The following TRIQK variants were observed in gnomAD, a reference collection of about 807,000 sequenced individuals.
TRIQK encodes triple QxxK/R motif containing.
Under a neutral mutation model 10.8 loss-of-function variants are expected in TRIQK, and 10 were observed. The observed-to-expected ratio is 0.92, with a 90% CI of 0.57 to 1.57. The LOEUF (loss-of-function observed/expected upper bound fraction) is 1.57, where lower values mean the gene tolerates loss of function less well. TRIQK is among the 40% of genes most tolerant of loss of function. The pLI is 0.00. For missense variants in TRIQK, 107 were observed against 97.7 expected (o/e 1.09, Z -0.40); for synonymous variants, 33 against 33.7 (o/e 0.98, Z 0.07).
At chr8:93,017,274 G>A (rs372580330) in intron 1 of TRIQK, among the ~76,000 whole-genome samples, 158 of 152,092 alleles carry the variant, frequency 1.0e-3, no homozygotes, top group African/African-American at 3.6e-3. Flanking sequence ...TGACGCTCTC[G>A]TTCAGTCACT....
intron 2 of TRIQK, among the ~76,000 whole-genome samples, chr8:92,918,800 C>T (rs1388429639): frequency 2.7e-5 from 4 of 150,512 alleles, no homozygotes; most frequent in Admixed American, 6.6e-5. Flanking sequence ...TTTTGCCAGA[C>T]CAATGTCCTG....
intron 4 of TRIQK, among the ~76,000 whole-genome samples, chr8:92,889,378 T>C (rs1406303361): frequency 2.0e-5 from 3 of 151,664 alleles, no homozygotes; most frequent in Non-Finnish European, 4.4e-5. Context: ...ACAGGTGCTA[T>C]ACTATTATAA....
intron 1 of TRIQK, among the ~76,000 whole-genome samples, chr8:93,007,629 T>A (rs897712078): frequency 1.3e-5 from 2 of 152,160 alleles, no homozygotes; most frequent in Non-Finnish European, 2.9e-5. Flanking sequence ...CTAAGAACCA[T>A]GATAAAACTT....
intron 1 of TRIQK, among the ~76,000 whole-genome samples, chr8:93,014,499 T>C (rs1457252610): frequency 6.6e-6 from 1 of 152,104 alleles, no homozygotes; most frequent in Non-Finnish European, 1.5e-5. Context: ...AAATAGATGT[T>C]TATGTTTTAC....
intron 1 of TRIQK, among the ~76,000 whole-genome samples, chr8:93,002,214 A>G (rs1336330457): frequency 2.6e-5 from 4 of 152,180 alleles, no homozygotes; most frequent in African/African-American, 9.6e-5. Flanking sequence ...TCAAGGAATT[A>G]GAAAAATAAG....
chr8:92,943,526 T>TA (rs1811373686), intron 2 of TRIQK, among the ~76,000 whole-genome samples: 2 of 152,100 alleles, frequency 1.3e-5, no homozygotes, highest in Non-Finnish European at 2.9e-5. Flanking sequence ...TCCATACACT[T>TA]ACAGCCAACT....
At chr8:92,995,469 G>T (rs2130752880) in intron 1 of TRIQK, among the ~76,000 whole-genome samples, 1 of 151,956 alleles carries the variant, frequency 6.6e-6, no homozygotes, top group South Asian at 2.1e-4. Context: ...TAAAATCAAG[G>T]TATTTTTCCA....
chr8:92,890,477 AGT>A (rs1291610215), intron 4 of TRIQK, among the ~76,000 whole-genome samples: 1 of 151,814 alleles, frequency 6.6e-6, no homozygotes, highest in Non-Finnish European at 1.5e-5. Flanking sequence ...CAAATTCTAC[AGT>A]GTTTTTAAAA....
chr8:93,005,670 G>A (rs892877486), intron 1 of TRIQK, among the ~76,000 whole-genome samples: 28 of 152,066 alleles, frequency 1.8e-4, no homozygotes, highest in African/African-American at 6.8e-4. Context: ...GCATCATAAA[G>A]GCATAATATA....
chr8:92,943,737 A>G (rs1811385905), intron 2 of TRIQK, among the ~76,000 whole-genome samples: 1 of 152,204 alleles, frequency 6.6e-6, no homozygotes, highest in Non-Finnish European at 1.5e-5. Context: ...AAATGCTAGG[A>G]GAAAACAGGG....
rs1304225423 is a variant in TRIQK, at chr8:92,885,655, T to C, written c.*967A>G. 1 of 151,786 alleles carries C rather than the reference T, an allele frequency of 6.6e-6. No homozygotes were observed. Among genetic ancestry groups the C allele is most frequent in the African/African-American group, 2.4e-5 (1 of 41,372 alleles). 9.4% of individuals were successfully genotyped at this position (151,786 alleles called of 1,614,324 possible). A position where few individuals can be genotyped will look rare whatever the true frequency, so the allele number is the denominator to read the frequency against. ...ATGAAATATGAGGCATATATTTTCT[T>C]CTATTATTTATTTTCTCCCTAAAGA... On this transcript the variant is annotated 3_prime_UTR_variant, in exon 5 of 5. Coordinates refer to ENST00000521988, the MANE Select transcript of TRIQK (RefSeq NM_001171797.2).
intron 1 of TRIQK, among the ~76,000 whole-genome samples, chr8:92,986,742 T>C (rs1187291779): frequency 6.6e-6 from 1 of 152,198 alleles, no homozygotes; most frequent in African/African-American, 2.4e-5. Flanking sequence ...ATTGTAGTCA[T>C]GCTAAAGAAG....
At chr8:92,894,208 C>T (rs1816899734) in intron 3 of TRIQK, among the ~76,000 whole-genome samples, 1 of 152,066 alleles carries the variant, frequency 6.6e-6, no homozygotes, top group East Asian at 1.9e-4. Context: ...ATTTAGCATT[C>T]TCCTTGTCGA....
At chr8:92,950,527 T>C (rs1243330714) in intron 2 of TRIQK, among the ~76,000 whole-genome samples, 3 of 152,088 alleles carry the variant, frequency 2.0e-5, no homozygotes, top group Admixed American at 6.6e-5. Flanking sequence ...TCTTTAGGAG[T>C]TGTAAACTTC....
intron 3 of TRIQK, among the ~76,000 whole-genome samples, chr8:92,892,286 C>T (rs967027171): frequency 3.3e-5 from 5 of 151,800 alleles, no homozygotes; most frequent in Non-Finnish European, 7.4e-5. Flanking sequence ...CGGACATCTT[C>T]AATTTGCTGT....
rs146341582 is a variant in TRIQK, at chr8:92,975,299, A to C, written c.-180-20735T>G. Among the ~76,000 whole-genome samples the C allele has an allele frequency of 1.1e-3, 163 of 152,294 alleles. 1 individual carries two copies. The highest frequency in any genetic ancestry group is 3.8e-3 in the African/African-American group (159 of 41,572). On this transcript the variant is annotated intron_variant, in intron 1 of 4. Coordinates refer to the TRIQK transcript ENST00000520686. Reference sequence around the variant, plus strand: ...GTTACTTTCTTAATTTTTGTGTAGAAATCTCCGAGGAAGCCACCAAAGCCT... The same window carrying C: ...GTTACTTTCTTAATTTTTGTGTAGACATCTCCGAGGAAGCCACCAAAGCCT...
intron 1 of TRIQK, among the ~76,000 whole-genome samples, chr8:92,995,686 T>C (rs539164339): frequency 2.6e-5 from 4 of 152,232 alleles, no homozygotes; most frequent in African/African-American, 9.6e-5. Flanking sequence ...TATCTATGTT[T>C]CTTCCAGAAA....
intron 1 of TRIQK, among the ~76,000 whole-genome samples, chr8:93,014,984 A>G (rs1563457646): frequency 1.3e-5 from 2 of 152,090 alleles, no homozygotes; most frequent in Non-Finnish European, 2.9e-5. Context: ...GATGTTCAAC[A>G]TTTTAACATT....
At chr8:93,003,845 A>T (rs1169108906) in intron 1 of TRIQK, among the ~76,000 whole-genome samples, 1 of 152,248 alleles carries the variant, frequency 6.6e-6, no homozygotes, top group Non-Finnish European at 1.5e-5. Context: ...CAGGGAAGTC[A>T]TTAAATCTTA....
Sources: allele counts gnomAD v4.1 joint callset (sites outside exome capture counted in the v4.1 genomes callset), GRCh38; gene constraint gnomAD v4.1.1; transcripts MANE v1.5; gene names NCBI Gene and HGNC (gene_info 2026-07-23, HGNC 2026-07-21).